Variants in PRKD2 observed in about 807,000 individuals in gnomAD.
The protein encoded by PRKD2 is protein kinase D2.
A neutral mutation model predicts 86.0 loss-of-function variants in PRKD2; 22 were observed. The ratio of observed to expected loss-of-function variants is 0.26; its 90% CI spans 0.18 to 0.37. The LOEUF is 0.37. PRKD2 is among the 10% of genes least tolerant of loss of function. The pLI, the probability that PRKD2 is intolerant of heterozygous loss-of-function variation, is 1.00. For synonymous variants in PRKD2, 509 were observed against 510.9 expected (o/e 1.00, Z 0.05); for missense variants, 818 against 1,199.2 (o/e 0.68, Z 4.70).
chr19:46,714,590 G>C (rs1348320849), intron 1 of PRKD2: 2 of 152,140 alleles, frequency 1.3e-5, no homozygotes, highest in African/African-American at 4.8e-5. Flanking sequence ...GGGGCCTGGG[G>C]GCAGGAAATG....
chr19:46,680,946 A>ATTTT (rs1222612655), intron 15 of PRKD2, among the ~76,000 whole-genome samples: 72 of 48,188 alleles, frequency 1.5e-3, no homozygotes, highest in Non-Finnish European at 2.2e-3. Flanking sequence ...ATATATATAT[A>ATTTT]TTTTTTTTTT....
intron 9 of PRKD2, among the ~76,000 whole-genome samples, chr19:46,696,335 G>T (rs2053557086): frequency 6.6e-6 from 1 of 152,114 alleles, no homozygotes; most frequent in Non-Finnish European, 1.5e-5. Flanking sequence ...AATGACAGAG[G>T]TTGTGAGGTC....
At position 46,691,850 on chromosome 19, in the gene PRKD2, T is replaced by G. The variant is rs775572443; in HGVS notation, c.1630-43A>C. 4 of 1,611,730 alleles carry G rather than the reference T, an allele frequency of 2.5e-6. No homozygotes were observed. The East Asian group carries it at 8.9e-5, about 36-fold the overall frequency. On this transcript the variant is annotated intron_variant, in intron 11 of 17. Transcript: ENST00000291281. Reference sequence around the variant, plus strand: ...GGCAGGTCAGGGGTGCAAATGGAAATGGGGAAGGGGGAGTCAAGGAGACGA... The same window carrying G: ...GGCAGGTCAGGGGTGCAAATGGAAAGGGGGAAGGGGGAGTCAAGGAGACGA...
chr19:46,694,210 CG>C (rs2053525098), intron 9 of PRKD2, 77 bp from the exon 10 acceptor site: 6 of 1,553,910 alleles, frequency 3.9e-6, no homozygotes, highest in Non-Finnish European at 5.2e-6. Flanking sequence ...GAAGGATACA[CG>C]GGATCCATGT....
Position 46,716,376 on chromosome 19 carries a change from G to T in PRKD2, c.-6C>A. 7.1e-7 allele frequency: 1 copy of T among 1,401,522 alleles called. No individual in the cohort carries two copies. The highest frequency in any genetic ancestry group is 9.3e-7 in the Non-Finnish European group (1 of 1,076,830). 86.8% of individuals were successfully genotyped at this position (1,401,522 alleles called of 1,614,324 possible). A position where few individuals can be genotyped will look rare whatever the true frequency, so the allele number is the denominator to read the frequency against. On this transcript the variant is annotated 5_prime_UTR_variant, in exon 1 of 18. Transcript: ENST00000291281. This position sits in a 1 kb window ranked among gnomAD's most constrained non-coding sequence, Gnocchi z 7.9. ...TAAGAGGGGGCGGTGGCCATGGGGGGAGGCCGGGGACCGGCCGCCTGGAGC... is the reference window on the plus strand; with the variant it reads ...TAAGAGGGGGCGGTGGCCATGGGGGTAGGCCGGGGACCGGCCGCCTGGAGC...
chr19:46,696,585 C>A (rs923483025), intron 9 of PRKD2, among the ~76,000 whole-genome samples: 1 of 151,990 alleles, frequency 6.6e-6, no homozygotes, highest in African/African-American at 2.4e-5. Flanking sequence ...TGGTGAAACC[C>A]CGTCTCTACT....
chr19:46,685,808 G>C (rs759095044), intron 14 of PRKD2: 1 of 152,352 alleles, frequency 6.6e-6, no homozygotes, highest in Non-Finnish European at 1.5e-5. Flanking sequence ...AATTAGCCAG[G>C]CATGGTGGCA....
chr19:46,700,957 G>A lies in PRKD2; in HGVS notation c.968-5C>T. On this transcript the variant is annotated splice_polypyrimidine_tract_variant and splice_region_variant and intron_variant, in intron 6 of 17. Coordinates refer to ENST00000291281, the MANE Select transcript of PRKD2 (RefSeq NM_016457.5). ...TGGCCTCCTCCATCGGCACATCTGTGGGGACGGAGGCATCAGAGGGGTCTC... is the reference window on the plus strand; with the variant it reads ...TGGCCTCCTCCATCGGCACATCTGTAGGGACGGAGGCATCAGAGGGGTCTC... The A allele has an allele frequency of 1.2e-6, 2 of 1,614,202 alleles. No individual in the cohort carries two copies. Among genetic ancestry groups the A allele is most frequent in the African/African-American group, 1.3e-5 (1 of 75,072 alleles).
At chr19:46,691,891 T>A in intron 11 of PRKD2, 42 bp downstream of exon 11, 1 of 1,610,438 alleles carries the variant, frequency 6.2e-7, no homozygotes. Flanking sequence ...CTGAGGAGGG[T>A]TTGTGGGAGG....
Sources: allele counts gnomAD v4.1 joint callset (sites outside exome capture counted in the v4.1 genomes callset), GRCh38; gene constraint gnomAD v4.1.1; non-coding constraint Gnocchi (gnomAD v3.1); transcripts MANE v1.5; gene names NCBI Gene and HGNC (gene_info 2026-07-23, HGNC 2026-07-21).